Variants in DIP2A observed in about 807,000 individuals in gnomAD.
DIP2A encodes disco-interacting protein 2 homolog A.
In DIP2A, 85 loss-of-function variants were observed where a neutral mutation model predicts 177.4. The observed-to-expected ratio is 0.48, with a 90% confidence interval of 0.40 to 0.57. DIP2A has a LOEUF of 0.57. DIP2A is among the 20% of genes least tolerant of loss of function. The pLI is 0.00. For synonymous variants in DIP2A, 886 were observed against 881.8 expected, an observed-to-expected ratio of 1.00 and a Z score of -0.08; for missense variants, 1,791 against 2,100.2, an observed-to-expected ratio of 0.85 and a Z score of 2.88.
intron 33 of DIP2A, 129 bp downstream of exon 33, chr21:46,560,912 G>T: frequency 6.7e-7 from 1 of 1,485,656 alleles, no homozygotes; most frequent in Non-Finnish European, 9.0e-7. Flanking sequence ...AGGCCTACCG[G>T]GACACCTGGA....
intron 1 of DIP2A, among the ~76,000 whole-genome samples, chr21:46,470,136 A>C (rs2055220308): frequency 1.3e-5 from 2 of 151,212 alleles, no homozygotes; most frequent in Non-Finnish European, 3.0e-5. Flanking sequence ...TCAGGAGTTC[A>C]AGACCAGCCT....
In DIP2A at chr21:46,459,053, C is replaced by T. The variant is rs2054030169; in HGVS notation, c.-79C>T. 180 of 1,211,334 alleles carry T rather than the reference C, an allele frequency of 1.5e-4. 3 individuals carry two copies. In the South Asian group the frequency reaches 3.1e-3, roughly 21 times the overall value. 75.0% of individuals were successfully genotyped at this position (1,211,334 alleles called of 1,614,324 possible). ...ATGTAGGTTGTTGGCCTGAGGGGAG[C>T]TACGTAGCCGAGGTTTGCGCTGCCG... On this transcript the variant is annotated 5_prime_UTR_variant, in exon 1 of 38. Coordinates refer to ENST00000417564, the MANE Select transcript of DIP2A (RefSeq NM_015151.4).
rs765612154 is a variant in DIP2A at position 46,534,650 on chromosome 21, G to C, written c.1605G>C (p.Gln535His). The stretch of plus-strand genomic sequence containing the variant: ...TGTCCCACGCATCCCTGCTGGCACA[G>C]TGCCGGGCTCTGACCCAGGCGTGCG... ...VTVSHASLLAQCRALTQACGY... is the reference protein window; with the variant it reads ...VTVSHASLLAHCRALTQACGY... Residue 535 changes from glutamine (Q) to histidine (H), a missense_variant, in exon 13 of 38, where the codon CAG (glutamine) becomes CAC (histidine). Transcript: ENST00000417564. The C allele has an allele frequency of 6.2e-7, 1 of 1,612,064 alleles. No individual in the cohort carries two copies. The highest frequency in any genetic ancestry group is 1.3e-5 in the African/African-American group (1 of 74,900).
intron 19 of DIP2A, 118 bp downstream of exon 19, chr21:46,545,391 A>G: frequency 3.2e-6 from 4 of 1,261,572 alleles, no homozygotes; most frequent in Non-Finnish European, 4.4e-6. Context: ...CCTTCCACAC[A>G]GGCGCTGCTG....
chr21:46,467,745 G>T (rs1000824608), intron 1 of DIP2A, among the ~76,000 whole-genome samples: 18 of 147,906 alleles, frequency 1.2e-4, no homozygotes, highest in South Asian at 2.1e-4. Context: ...GGTTTTGTTT[G>T]TTTTTTTTTT....
intron 3 of DIP2A, among the ~76,000 whole-genome samples, chr21:46,495,252 C>CTTCTCTTCTT (rs2057285457): frequency 8.7e-6 from 1 of 114,882 alleles, no homozygotes; most frequent in African/African-American, 6.1e-5. Flanking sequence ...CTTTCTCTCT[C>CTTCTCTTCTT]TCTCTCTCTC....
intron 1 of DIP2A, among the ~76,000 whole-genome samples, chr21:46,461,731 G>A (rs571848336): frequency 4.6e-5 from 7 of 152,192 alleles, no homozygotes; most frequent in Admixed American, 1.3e-4. Context: ...GAGGAACCTC[G>A]AAAAATAGCT....
intron 13 of DIP2A, among the ~76,000 whole-genome samples, chr21:46,536,355 AC>A (rs1225010793): frequency 6.6e-6 from 1 of 152,050 alleles, no homozygotes; most frequent in Admixed American, 6.6e-5. Flanking sequence ...AACCCTCAGG[AC>A]CCCTATCCAC....
chr21:46,537,000 G>A (rs1601730094), intron 13 of DIP2A, among the ~76,000 whole-genome samples: 2 of 152,124 alleles, frequency 1.3e-5, no homozygotes, highest in East Asian at 3.9e-4. Flanking sequence ...AGTGCTCAGC[G>A]TGGTTCTCTG....
chr21:46,583,452 C>G, the DIP2A span, among the ~76,000 whole-genome samples: 3 of 152,140 alleles, frequency 2.0e-5, no homozygotes. Flanking sequence ...CCACCATATG[C>G]TAGGCTATAA....
chr21:46,559,456 C>T (rs557076529), intron 32 of DIP2A, among the ~76,000 whole-genome samples: 8 of 152,326 alleles, frequency 5.3e-5, no homozygotes, highest in South Asian at 4.1e-4. Flanking sequence ...GGGGGCTCTG[C>T]TCACACCCTC....
At chr21:46,462,559 T>C (rs970399132) in intron 1 of DIP2A, 9 of 152,212 alleles carry the variant, frequency 5.9e-5, no homozygotes, top group African/African-American at 1.9e-4. Context: ...AGGGAGATAT[T>C]AGTAATGAGT....
chr21:46,545,979 TACCAGC>T lies in DIP2A; in HGVS notation c.2394+21_2394+26del. The T allele has an allele frequency of 6.2e-7, 1 of 1,613,924 alleles. No individual in the cohort carries two copies. ...TCGGGCCTGTGAGTATGTCCTCCTG[TACCAGC>T]ACTGGCAGTCAGAGAAGGTAGGGGG... On this transcript the variant is annotated intron_variant, in intron 20 of 37. Coordinates refer to ENST00000417564, the MANE Select transcript of DIP2A (RefSeq NM_015151.4).
At chr21:46,466,523 AT>A (rs2054847524) in intron 1 of DIP2A, among the ~76,000 whole-genome samples, 1 of 151,434 alleles carries the variant, frequency 6.6e-6, no homozygotes, top group African/African-American at 2.4e-5. Context: ...TAATTTTTGT[AT>A]TTTTAGTAGA....
chr21:46,557,843 C>A lies in DIP2A; in HGVS notation c.3798+90C>A. Reference sequence around the variant, plus strand: ...ACAAAACAAAACAAGACTCCCAAGGCCCCTCCCTGCAGTTGGAGGAAGTAG... The same window carrying A: ...ACAAAACAAAACAAGACTCCCAAGGACCCTCCCTGCAGTTGGAGGAAGTAG... On this transcript the variant is annotated intron_variant, in intron 31 of 37. Transcript: ENST00000417564. The surrounding 1 kb of genome is among the most constrained non-coding windows in gnomAD (Gnocchi z 6.0). The A allele has an allele frequency of 2.1e-6, 3 of 1,447,496 alleles. No homozygotes were observed. The highest frequency in any genetic ancestry group is 2.8e-6 in the Non-Finnish European group (3 of 1,074,928). 89.7% of individuals were successfully genotyped at this position (1,447,496 alleles called of 1,614,324 possible). A position where few individuals can be genotyped will look rare whatever the true frequency, so the allele number is the denominator to read the frequency against.
intron 9 of DIP2A, 120 bp from the exon 10 acceptor site, chr21:46,532,007 C>A: frequency 1.1e-6 from 1 of 910,808 alleles, no homozygotes; most frequent in Non-Finnish European, 1.7e-6. Context: ...CTTATGGTTT[C>A]AAGCACAATT....
At chr21:46,565,316 A>G (rs182064365) in intron 35 of DIP2A, among the ~76,000 whole-genome samples, 278 of 152,304 alleles carry the variant, frequency 1.8e-3, no homozygotes, top group Non-Finnish European at 2.9e-3. Flanking sequence ...TGTGAGTCTG[A>G]GCAGCTGCAC....
Position 46,497,094 on chromosome 21 carries a change from C to T in DIP2A, c.390C>T (p.Thr130=), listed in dbSNP as rs767979325. The T allele has an allele frequency of 6.2e-7, 1 of 1,612,796 alleles. No homozygotes were observed. Among genetic ancestry groups the T allele is most frequent in the Non-Finnish European group, 8.5e-7 (1 of 1,179,708 alleles). ...RSVLVHSSVE[T]YTPPDTSSAS... ...TCCTTGTGCATTCGTCTGTGGAAACCTACACCCCTCCAGGTATTGATAAAC... is the reference window on the plus strand; with the variant it reads ...TCCTTGTGCATTCGTCTGTGGAAACTTACACCCCTCCAGGTATTGATAAAC... The change falls in exon 4 of 38, where the codon ACC becomes ACT. Residue 130 remains threonine, a synonymous_variant. Coordinates refer to ENST00000417564, the MANE Select transcript of DIP2A (RefSeq NM_015151.4).
chr21:46,466,342 C>CTTT (rs71187318), intron 1 of DIP2A, among the ~76,000 whole-genome samples: 50 of 89,588 alleles, frequency 5.6e-4, no homozygotes, highest in Non-Finnish European at 8.0e-4. Context: ...TACATTATAA[C>CTTT]TTTTTTTTTT....
Sources: gnomAD v4.1 joint callset for allele counts (sites outside exome capture counted in the v4.1 genomes callset) on GRCh38, gnomAD v4.1.1 for gene constraint, Gnocchi (gnomAD v3.1) non-coding constraint, MANE v1.5 for transcripts, NCBI Gene and HGNC (gene_info 2026-07-23, HGNC 2026-07-21) for gene names.